Variants in SLC25A26 observed in about 807,000 individuals in gnomAD.
SLC25A26 encodes mitochondrial S-adenosylmethionine carrier protein.
SLC25A26 carries 36 observed loss-of-function variants against 37.8 expected under a neutral mutation model. That is an observed-to-expected ratio of 0.95 (90% CI 0.73 to 1.26). The LOEUF (loss-of-function observed/expected upper bound fraction) is 1.26. Among genes scored for constraint, SLC25A26 ranks in the 50% most tolerant of loss-of-function variants. SLC25A26 has a pLI of 0.00. For synonymous variants in SLC25A26, 129 were observed against 122.5 expected, an observed-to-expected ratio of 1.05 and a Z score of -0.35; for missense variants, 390 against 331.1, an observed-to-expected ratio of 1.18 and a Z score of -1.38.
intron 1 of SLC25A26, among the ~76,000 whole-genome samples, chr3:66,162,368 G>A (rs1211757592): frequency 2.0e-5 from 3 of 148,012 alleles, no homozygotes. Flanking sequence ...TTTGTGGTTG[G>A]GCGGGGGAGG....
intron 5 of SLC25A26, among the ~76,000 whole-genome samples, chr3:66,325,690 G>A (rs756177106): frequency 6.6e-6 from 1 of 152,146 alleles, no homozygotes; most frequent in South Asian, 2.1e-4. Context: ...AGAAGGCCCC[G>A]GAGATAAGGC....
chr3:66,201,110 A>C (rs1394738700), intron 1 of SLC25A26, among the ~76,000 whole-genome samples: 2 of 152,110 alleles, frequency 1.3e-5, no homozygotes, highest in African/African-American at 4.8e-5. Flanking sequence ...TCTTGACTGC[A>C]CTCCTTTTTC....
chr3:66,365,981 ATTGTAGG>A (rs1165358756), intron 7 of SLC25A26, among the ~76,000 whole-genome samples: 1 of 152,136 alleles, frequency 6.6e-6, no homozygotes, highest in Non-Finnish European at 1.5e-5. Flanking sequence ...CTCCAGCCTT[ATTGTAGG>A]AAGGTGGCTA....
chr3:66,137,519 C>T (rs1050061082), intron 1 of SLC25A26, among the ~76,000 whole-genome samples: 7 of 152,022 alleles, frequency 4.6e-5, no homozygotes, highest in Admixed American at 6.5e-5. Context: ...TGAACAACCA[C>T]ACCCAGCCCC....
intron 5 of SLC25A26, among the ~76,000 whole-genome samples, chr3:66,345,275 T>C (rs332358): frequency 0.51 from 76,783 of 151,402 alleles, 20,782 homozygotes; most frequent in East Asian, 0.7. Context: ...ATTTGGTGAT[T>C]CTTCCTTGAA....
intron 1 of SLC25A26, among the ~76,000 whole-genome samples, chr3:66,137,161 A>G (rs755946874): frequency 2.0e-5 from 3 of 151,366 alleles, no homozygotes; most frequent in South Asian, 2.1e-4. Context: ...AGAAATCACC[A>G]TCTATGGAAC....
intron 2 of SLC25A26, among the ~76,000 whole-genome samples, chr3:66,240,677 A>G (rs782682602): frequency 4.6e-5 from 7 of 152,122 alleles, no homozygotes; most frequent in Middle Eastern, 3.4e-3. Context: ...ATTTTATGTT[A>G]GTAAATGATA....
Position 66,362,927 on chromosome 3 carries a change from CA to C in SLC25A26, c.567del (p.Gly190ValfsTer11), listed in dbSNP as rs1230450220. On this transcript the variant is annotated frameshift_variant and splice_region_variant, in exon 7 of 10. Transcript: ENST00000354883. LOFTEE classifies it high-confidence loss of function. ...SWQSAVCGAF[A>X]GGFAAAVTTP... ...CAGTCAGCAGTCTGTGGAGCTTTTG[CA>C]GGTGCAAAGGATTATATTATACTGG... 6.3e-7 allele frequency: 1 copy of C among 1,599,312 alleles called. No individual in the cohort carries two copies. Among genetic ancestry groups the C allele is most frequent in the African/African-American group, 1.3e-5 (1 of 74,526 alleles).
intron 1 of SLC25A26, among the ~76,000 whole-genome samples, chr3:66,234,520 A>T (rs36134403): frequency 0.1 from 15,175 of 152,094 alleles, 1,650 homozygotes; most frequent in African/African-American, 0.25. Context: ...GGCTTCTTTA[A>T]TGTCTTTGGG....
intron 1 of SLC25A26, among the ~76,000 whole-genome samples, chr3:66,227,145 C>G (rs537072451): frequency 1.3e-5 from 2 of 152,306 alleles, no homozygotes; most frequent in South Asian, 4.1e-4. Context: ...CGAAGACTTG[C>G]TGACATAACT....
At chr3:66,175,686 C>T (rs1253097060) in intron 1 of SLC25A26, among the ~76,000 whole-genome samples, 1 of 152,162 alleles carries the variant, frequency 6.6e-6, no homozygotes, top group East Asian at 1.9e-4. Flanking sequence ...GACATTTTCA[C>T]TGAAGTCCAA....
chr3:66,340,452 G>A (rs2076183397), intron 5 of SLC25A26, among the ~76,000 whole-genome samples: 1 of 151,792 alleles, frequency 6.6e-6, no homozygotes, highest in Admixed American at 6.6e-5. Flanking sequence ...TTTCTTTTGT[G>A]GTTATTGCGT....
At chr3:66,333,574 T>G (rs749144349) in intron 5 of SLC25A26, among the ~76,000 whole-genome samples, 8 of 152,218 alleles carry the variant, frequency 5.3e-5, no homozygotes, top group Non-Finnish European at 1.2e-4. Flanking sequence ...TGGGGTTTAT[T>G]CCCTTCATCT....
intron 5 of SLC25A26, among the ~76,000 whole-genome samples, chr3:66,321,895 T>C (rs1311613827): frequency 6.6e-6 from 1 of 152,098 alleles, no homozygotes; most frequent in African/African-American, 2.4e-5. Flanking sequence ...AAATTACCTG[T>C]TCATTATCCT....
chr3:66,272,181 G>C (rs1172455644), intron 5 of SLC25A26, among the ~76,000 whole-genome samples: 2 of 152,126 alleles, frequency 1.3e-5, no homozygotes, highest in Non-Finnish European at 2.9e-5. Flanking sequence ...CCTCACAGCA[G>C]CCCAAAATGC....
chr3:66,133,631 C>G (rs918759228), exon 1 of SLC25A26: 2 of 152,190 alleles, frequency 1.3e-5, no homozygotes, highest in African/African-American at 4.8e-5. Context: ...CTCAGAGCTT[C>G]CCTGTCTTCA....
chr3:66,161,803 A>C (rs1473658804), intron 1 of SLC25A26, among the ~76,000 whole-genome samples: 1 of 152,180 alleles, frequency 6.6e-6, no homozygotes, highest in Non-Finnish European at 1.5e-5. Flanking sequence ...CCCTGACTTC[A>C]GGACCTTCCA....
intron 1 of SLC25A26, among the ~76,000 whole-genome samples, chr3:66,202,980 G>T (rs984786731): frequency 5.3e-5 from 8 of 152,104 alleles, no homozygotes; most frequent in Non-Finnish European, 8.8e-5. Flanking sequence ...CATAGCAGTG[G>T]TTGTCTTCTT....
chr3:66,363,022 AG>A, intron 7 of SLC25A26, 93 bp downstream of exon 7: 1 of 742,978 alleles, frequency 1.3e-6, no homozygotes, highest in Non-Finnish European at 2.0e-6. Flanking sequence ...TAGACATTCC[AG>A]GTTGTTTAGA....
Sources: gnomAD v4.1 joint callset for allele counts (sites outside exome capture counted in the v4.1 genomes callset) on GRCh38, gnomAD v4.1.1 for gene constraint, MANE v1.5 for transcripts, NCBI Gene and HGNC (gene_info 2026-07-23, HGNC 2026-07-21) for gene names.